Variants in MED28 observed in about 807,000 individuals in gnomAD.
The protein encoded by MED28 is mediator of RNA polymerase II transcription subunit 28.
MED28 carries 26 observed loss-of-function variants against 21.3 expected under a neutral mutation model. The observed-to-expected ratio is 1.22, with a 90% CI of 0.89 to 1.69. The LOEUF (loss-of-function observed/expected upper bound fraction) is 1.69, where lower values mean the gene tolerates loss of function less well. MED28 is among the 40% of genes most tolerant of loss of function. The pLI is 0.00. For missense variants in MED28, 257 were observed against 215.4 expected, an observed-to-expected ratio of 1.19 and a Z score of -1.21; for synonymous variants, 110 against 87.6, an observed-to-expected ratio of 1.26 and a Z score of -1.43.
intron 2 of MED28, 56 bp downstream of exon 2, chr4:17,620,023 G>A: frequency 6.7e-7 from 1 of 1,491,532 alleles, no homozygotes; most frequent in East Asian, 2.3e-5. Flanking sequence ...TTTCCTAGTT[G>A]CTAATTTTAT....
At chr4:17,623,007 C>G (rs933821067) in intron 3 of MED28, among the ~76,000 whole-genome samples, 1 of 152,190 alleles carries the variant, frequency 6.6e-6, no homozygotes, top group Non-Finnish European at 1.5e-5. Context: ...AGTTACAATT[C>G]AAGATGAGAT....
chr4:17,618,168 C>T (rs1488147324), intron 1 of MED28, among the ~76,000 whole-genome samples: 1 of 151,768 alleles, frequency 6.6e-6, no homozygotes, highest in African/African-American at 2.4e-5. Context: ...CGCACCACTA[C>T]GCCTGACTAA....
At chr4:17,620,267 A>T (rs1266158948) in intron 2 of MED28, among the ~76,000 whole-genome samples, 1 of 152,116 alleles carries the variant, frequency 6.6e-6, no homozygotes, top group African/African-American at 2.4e-5. Flanking sequence ...TCTTACAGAG[A>T]AAAGTCTCTT....
In MED28 at chr4:17,634,012, A is replaced by AT. The variant is rs1388130549; in HGVS notation, c.*10215dup. 3.1e-6 allele frequency: 2 copies of AT among 645,568 alleles called. No individual in the cohort carries two copies. Among genetic ancestry groups the AT allele is most frequent in the African/African-American group, 3.8e-5 (2 of 52,882 alleles). The allele number at this position is 645,568 out of a possible 1,614,324, so 40.0% of individuals were successfully genotyped here. A position where few individuals can be genotyped will look rare whatever the true frequency, so the allele number is the denominator to read the frequency against. ...CGGAGAAGAAGCAACAATTTCATTT[A>AT]TACACTTACATGCTATTTTTTAAAG... is the stretch of plus-strand genomic sequence containing the variant. On this transcript the variant is annotated 3_prime_UTR_variant, in exon 4 of 4. Coordinates refer to ENST00000237380, the MANE Select transcript of MED28 (RefSeq NM_025205.5).
rs1288305208 is a variant in MED28 at position 17,631,488 on chromosome 4, CA to C, written c.*7691del. ...CTAGAAGATCTTTGACTTCAAAGAACAGATAATCTAGAGACCTTCACAAGTG... is the reference window on the plus strand; with the variant it reads ...CTAGAAGATCTTTGACTTCAAAGAACGATAATCTAGAGACCTTCACAAGTG... On this transcript the variant is annotated 3_prime_UTR_variant, in exon 4 of 4. Coordinates refer to ENST00000237380, the MANE Select transcript of MED28 (RefSeq NM_025205.5). The C allele has an allele frequency of 2.6e-5, 4 of 152,156 alleles. No homozygotes were observed. Among genetic ancestry groups the C allele is most frequent in the African/African-American group, 9.7e-5 (4 of 41,420 alleles). The allele number at this position is 152,156 out of a possible 1,614,324, so 9.4% of individuals were successfully genotyped here.
rs935239333 is a variant in MED28 at position 17,633,139 on chromosome 4, C to A, written c.*9341C>A. The A allele has an allele frequency of 6.5e-6, 1 of 154,512 alleles. No homozygotes were observed. The highest frequency in any genetic ancestry group is 2.4e-5 in the African/African-American group (1 of 41,466). 9.6% of individuals were successfully genotyped at this position (154,512 alleles called of 1,614,324 possible). On this transcript the variant is annotated 3_prime_UTR_variant, in exon 4 of 4. Transcript: ENST00000237380. ...GTTTCACCATGTTGCCCAGGCTGGT[C>A]TCGAACTCCTGACCTTAGGTGATCC... is the stretch of plus-strand genomic sequence containing the variant.
chr4:17,617,753 C>A (rs1009925544), intron 1 of MED28, among the ~76,000 whole-genome samples: 5 of 151,964 alleles, frequency 3.3e-5, no homozygotes, highest in Non-Finnish European at 5.9e-5. Flanking sequence ...ACTAAAAATA[C>A]AAAAATTAGT....
At position 17,627,850 on chromosome 4, in the gene MED28, TACTG is replaced by T. The variant is rs1443063317; in HGVS notation, c.*4054_*4057del. The T allele has an allele frequency of 6.6e-6, 1 of 152,266 alleles. No homozygotes were observed. The highest frequency in any genetic ancestry group is 1.5e-5 in the Non-Finnish European group (1 of 68,146). 9.4% of individuals were successfully genotyped at this position (152,266 alleles called of 1,614,324 possible). A position where few individuals can be genotyped will look rare whatever the true frequency, so the allele number is the denominator to read the frequency against. On this transcript the variant is annotated 3_prime_UTR_variant, in exon 4 of 4. Coordinates refer to ENST00000237380, the MANE Select transcript of MED28 (RefSeq NM_025205.5). ...TCTCAAAAAATAAAAAATAAAAAAA[TACTG>T]AGCAGTCTGCTTGGGCGCTTCCATC...
chr4:17,632,414 A>C lies in MED28; in HGVS notation c.*8616A>C. 1 of 856,256 alleles carries C rather than the reference A, an allele frequency of 1.2e-6. No individual in the cohort carries two copies. The allele number at this position is 856,256 out of a possible 1,614,324, so 53.0% of individuals were successfully genotyped here. A position where few individuals can be genotyped will look rare whatever the true frequency, so the allele number is the denominator to read the frequency against. ...GTTAACGCCAAAATTTGTTTTAGCT[A>C]TCATATATAAATCATAAGCATATTA... On this transcript the variant is annotated 3_prime_UTR_variant, in exon 4 of 4. Coordinates refer to ENST00000237380, the MANE Select transcript of MED28 (RefSeq NM_025205.5).
rs918738597 is a variant in MED28, at chr4:17,628,543, TTC to T, written c.*4749_*4750del. The T allele has an allele frequency of 5.9e-5, 9 of 152,044 alleles. No individual in the cohort carries two copies. Among genetic ancestry groups the T allele is most frequent in the African/African-American group, 2.2e-4 (9 of 41,400 alleles). 9.4% of individuals were successfully genotyped at this position (152,044 alleles called of 1,614,324 possible). The stretch of plus-strand genomic sequence containing the variant: ...ACCCTCTGTCTGAGAAGTCCTATGG[TTC>T]TCTGTGATGAATAGACCCAACTTGT... On this transcript the variant is annotated 3_prime_UTR_variant, in exon 4 of 4. Transcript: ENST00000237380.
At chr4:17,617,156 G>A (rs549204280) in intron 1 of MED28, among the ~76,000 whole-genome samples, 1 of 152,298 alleles carries the variant, frequency 6.6e-6, no homozygotes, top group South Asian at 2.1e-4. Context: ...AGTGGGAGTG[G>A]TGCGAGCTGG....
At chr4:17,622,822 C>T (rs1714673555) in intron 3 of MED28, among the ~76,000 whole-genome samples, 2 of 152,184 alleles carry the variant, frequency 1.3e-5, no homozygotes, top group Admixed American at 1.3e-4. Flanking sequence ...GTGAAAGACA[C>T]ATCTCACATG....
Position 17,629,970 on chromosome 4 carries a change from T to C in MED28, c.*6172T>C, listed in dbSNP as rs1292597239. 1 of 152,202 alleles carries C rather than the reference T, an allele frequency of 6.6e-6. No homozygotes were observed. The highest frequency in any genetic ancestry group is 2.4e-5 in the African/African-American group (1 of 41,466). 9.4% of individuals were successfully genotyped at this position (152,202 alleles called of 1,614,324 possible). A position where few individuals can be genotyped will look rare whatever the true frequency, so the allele number is the denominator to read the frequency against. On this transcript the variant is annotated 3_prime_UTR_variant, in exon 4 of 4. Transcript: ENST00000237380. ...GGCATATGGCCTCAATAAAAAATTA[T>C]GGAAGCATGCAAAGATTTTGTTAAC...
chr4:17,618,331 G>A (rs1714519961), intron 1 of MED28, among the ~76,000 whole-genome samples: 1 of 152,028 alleles, frequency 6.6e-6, no homozygotes, highest in Non-Finnish European at 1.5e-5. Context: ...TGAGTGGGTG[G>A]AGGGCAGTAA....
chr4:17,633,923 ATG>A lies in MED28; in HGVS notation c.*10126_*10127del. The stretch of plus-strand genomic sequence containing the variant: ...TTAATGGACAGGTTAGTGCAATGCA[ATG>A]CAAAAAACAAAATAAAGCATTATTG... On this transcript the variant is annotated 3_prime_UTR_variant, in exon 4 of 4. Coordinates refer to ENST00000237380, the MANE Select transcript of MED28 (RefSeq NM_025205.5). 2 of 1,344,336 alleles carry A rather than the reference ATG, an allele frequency of 1.5e-6. No homozygotes were observed. The highest frequency in any genetic ancestry group is 3.8e-5 in the Admixed American group (1 of 26,370). 83.3% of individuals were successfully genotyped at this position (1,344,336 alleles called of 1,614,324 possible).
chr4:17,615,790 A>G, intron 1 of MED28, among the ~76,000 whole-genome samples: 1 of 152,230 alleles, frequency 6.6e-6, no homozygotes. Flanking sequence ...AGCGTGGGTG[A>G]CAAGAGCTCG....
In MED28 at chr4:17,628,282, G is replaced by GTGTA; in HGVS notation, c.*4487_*4488insATGT. The GTGTA allele has an allele frequency of 6.7e-6, 1 of 148,708 alleles. No individual in the cohort carries two copies. The highest frequency in any genetic ancestry group is 3.3e-3 in the Middle Eastern group (1 of 300). The allele number at this position is 148,708 out of a possible 1,614,324, so 9.2% of individuals were successfully genotyped here. A position where few individuals can be genotyped will look rare whatever the true frequency, so the allele number is the denominator to read the frequency against. ...TGTGTGTGTGTGTGTGTGTGTGTGT[G>GTGTA]TGTGTGTGTATGTGTATATGCGTAT... On this transcript the variant is annotated 3_prime_UTR_variant, in exon 4 of 4. Coordinates refer to ENST00000237380, the MANE Select transcript of MED28 (RefSeq NM_025205.5).
chr4:17,621,793 G>C, intron 3 of MED28, 94 bp downstream of exon 3: 1 of 859,218 alleles, frequency 1.2e-6, no homozygotes. Context: ...CGTTTCCTGC[G>C]AGTTTCATTC....
Position 17,624,004 on chromosome 4 carries a change from A to T in MED28, c.*206A>T. 1.7e-6 allele frequency: 1 copy of T among 578,244 alleles called. No homozygotes were observed. Among genetic ancestry groups the T allele is most frequent in the Non-Finnish European group, 3.1e-6 (1 of 327,686 alleles). The allele number at this position is 578,244 out of a possible 1,614,324, so 35.8% of individuals were successfully genotyped here. On this transcript the variant is annotated 3_prime_UTR_variant, in exon 4 of 4. Transcript: ENST00000237380. ...TATAACATGTCTGTAGCTTGGATAA[A>T]CCAAGTAAGTATTTTTTTTTTGTCT...
Sources: gnomAD v4.1 joint callset for allele counts (sites outside exome capture counted in the v4.1 genomes callset) on GRCh38, gnomAD v4.1.1 for gene constraint, MANE v1.5 for transcripts, NCBI Gene and HGNC (gene_info 2026-07-23, HGNC 2026-07-21) for gene names.